The following UBOX5 variants were observed in gnomAD, a reference collection of about 807,000 sequenced individuals.
UBOX5 encodes the protein U-box domain containing 5.
UBOX5 carries 28 observed loss-of-function variants against 39.0 expected under a neutral mutation model. The ratio of observed to expected loss-of-function variants is 0.72; its 90% CI spans 0.53 to 0.98. The LOEUF (loss-of-function observed/expected upper bound fraction) is 0.98, where lower values mean the gene tolerates loss of function less well. Among genes scored for constraint, UBOX5 ranks in the 50% least tolerant of loss-of-function variants. UBOX5 has a pLI of 0.00. For missense variants in UBOX5, 585 were observed against 674.4 expected, an observed-to-expected ratio of 0.87 and a Z score of 1.47; for synonymous variants, 283 against 275.5, an observed-to-expected ratio of 1.03 and a Z score of -0.27.
In UBOX5 at chr20:3,121,579, G is replaced by C; in HGVS notation, c.1060C>G (p.Pro354Ala). ...TGAGAGGGCAGAACAATGGAAGAAG[G>C]GATCACTGCCAATGCCGTCTGTGCT... is the stretch of plus-strand genomic sequence containing the variant. ...GRAQTALAVI[P>A]SSIVLPSQKR... The change falls in exon 3 of 5, where the codon CCT becomes GCT. Residue 354 changes from proline to alanine, a missense_variant. By Grantham distance (27) the Pro-to-Ala change is conservative. Coordinates refer to ENST00000217173, the MANE Select transcript of UBOX5 (RefSeq NM_014948.4). 6.2e-7 allele frequency: 1 copy of C among 1,605,584 alleles called. No individual in the cohort carries two copies. The highest frequency in any genetic ancestry group is 8.5e-7 in the Non-Finnish European group (1 of 1,175,916).
chr20:3,110,337 A>G (rs2066244172), intron 4 of UBOX5, 23 bp from the exon 5 acceptor site: 1 of 1,613,438 alleles, frequency 6.2e-7, no homozygotes, highest in Non-Finnish European at 8.5e-7. Flanking sequence ...GAAGGAAAAC[A>G]GGCCAGGGTT....
At chr20:3,151,254 G>A (rs1475798266) in intron 1 of UBOX5, among the ~76,000 whole-genome samples, 2 of 152,142 alleles carry the variant, frequency 1.3e-5, no homozygotes, top group Non-Finnish European at 2.9e-5. Context: ...CAGATCAAGG[G>A]TGAGCAGACT....
In UBOX5 at chr20:3,121,709, TACCCCCGTGAAAGGGTC is replaced by T. The variant is rs1267110167; in HGVS notation, c.913_929del (p.Asp305SerfsTer19). ...GGGGCTGAGAGTGCGGAGTAAAAGC[TACCCCCGTGAAAGGGTC>T]ACTGGGCACTCGGCCCCATGTGGCT... On this transcript the variant is annotated frameshift_variant, in exon 3 of 5. Transcript: ENST00000217173. LOFTEE classifies it high-confidence loss of function. 2 of 1,613,886 alleles carry T rather than the reference TACCCCCGTGAAAGGGTC, an allele frequency of 1.2e-6. No homozygotes were observed.
intron 4 of UBOX5, among the ~76,000 whole-genome samples, chr20:3,114,229 G>A (rs781398951): frequency 2.6e-5 from 4 of 152,174 alleles, no homozygotes; most frequent in African/African-American, 7.2e-5. Flanking sequence ...ATGGACAGTT[G>A]CCGGAGATGT....
At chr20:3,119,826 C>T (rs1180894621) in intron 3 of UBOX5, among the ~76,000 whole-genome samples, 9 of 151,998 alleles carry the variant, frequency 5.9e-5, no homozygotes, top group Non-Finnish European at 1.3e-4. Context: ...TGCACTCCAG[C>T]CTGGGTAACA....
In UBOX5 at chr20:3,159,850, C is replaced by T. The variant is rs1280272216; in HGVS notation, c.-126G>A. Reference sequence around the variant, plus strand: ...ACACAGATACTGGCTCCTCCGGCGACTCCGAGCCTCACAGCCCCACTTCCG... The same window carrying T: ...ACACAGATACTGGCTCCTCCGGCGATTCCGAGCCTCACAGCCCCACTTCCG... On this transcript the variant is annotated 5_prime_UTR_variant, in exon 1 of 5. Transcript: ENST00000217173. 2 of 152,326 alleles carry T rather than the reference C, an allele frequency of 1.3e-5. No homozygotes were observed. The highest frequency in any genetic ancestry group is 2.9e-5 in the Non-Finnish European group (2 of 68,096). The allele number at this position is 152,326 out of a possible 1,614,324, so 9.4% of individuals were successfully genotyped here.
At chr20:3,143,165 T>C (rs1170560402) in intron 1 of UBOX5, among the ~76,000 whole-genome samples, 1 of 134,396 alleles carries the variant, frequency 7.4e-6, no homozygotes, top group African/African-American at 2.8e-5. Flanking sequence ...TGGAGTACAG[T>C]GGCATGATCT....
At chr20:3,125,272 TG>T (rs2066373328) in intron 1 of UBOX5, among the ~76,000 whole-genome samples, 1 of 144,458 alleles carries the variant, frequency 6.9e-6, no homozygotes, top group African/African-American at 2.6e-5. Flanking sequence ...CTGCCCCGTC[TG>T]GGAGGTGAGG....
chr20:3,127,185 A>C (rs1041320138), intron 1 of UBOX5, among the ~76,000 whole-genome samples: 1 of 151,942 alleles, frequency 6.6e-6, no homozygotes, highest in Non-Finnish European at 1.5e-5. Flanking sequence ...GTGGAACTCA[A>C]CTCCTTGGTG....
rs141186996 is a variant in UBOX5, at chr20:3,132,545, G to A, written c.-41-9139C>T. ...AAGAAATGGCTGGGTGAAACGAGGC[G>A]TGATTGGTCATGCCTGTAATCCCAG... On this transcript the variant is annotated intron_variant, in intron 1 of 4. Coordinates refer to ENST00000217173, the MANE Select transcript of UBOX5 (RefSeq NM_014948.4). Among the ~76,000 whole-genome samples the A allele has an allele frequency of 1.7e-3, 263 of 151,540 alleles. 1 individual carries two copies. The highest frequency in any genetic ancestry group is 6.1e-3 in the African/African-American group (250 of 41,308).
Position 3,109,626 on chromosome 20 carries a change from G to A in UBOX5, c.*480C>T, listed in dbSNP as rs1219159825. On this transcript the variant is annotated 3_prime_UTR_variant, in exon 5 of 5. Transcript: ENST00000217173. ...AAACCCACAGCAGACGTCAACCATC[G>A]CTTTATTAAGGCTGCGAGTCGGGGG... 4 of 180,318 alleles carry A rather than the reference G, an allele frequency of 2.2e-5. No individual in the cohort carries two copies. Among genetic ancestry groups the A allele is most frequent in the Non-Finnish European group, 4.8e-5 (4 of 83,364 alleles). 11.2% of individuals were successfully genotyped at this position (180,318 alleles called of 1,614,324 possible). A position where few individuals can be genotyped will look rare whatever the true frequency, so the allele number is the denominator to read the frequency against.
intron 3 of UBOX5, among the ~76,000 whole-genome samples, chr20:3,119,394 T>C (rs969890581): frequency 3.9e-5 from 6 of 152,224 alleles, no homozygotes; most frequent in African/African-American, 7.2e-5. Flanking sequence ...ACCAGTTTGA[T>C]GGCAGACTTG....
intron 4 of UBOX5, among the ~76,000 whole-genome samples, chr20:3,114,439 A>G (rs1296375129): frequency 6.6e-6 from 1 of 152,152 alleles, no homozygotes; most frequent in Non-Finnish European, 1.5e-5. Flanking sequence ...CGTTGCAATC[A>G]GTTTCTGTTG....
chr20:3,142,073 C>T (rs1311710651), intron 1 of UBOX5, among the ~76,000 whole-genome samples: 1 of 149,012 alleles, frequency 6.7e-6, no homozygotes, highest in South Asian at 2.1e-4. Flanking sequence ...CAAAAGGGAT[C>T]ACCTGAGTCC....
At position 3,111,187 on chromosome 20, in the gene UBOX5, A is replaced by G. The variant is rs2066251482; in HGVS notation, c.1418-873T>C. On this transcript the variant is annotated intron_variant, in intron 4 of 4. Coordinates refer to ENST00000217173, the MANE Select transcript of UBOX5 (RefSeq NM_014948.4). ...CTTCCTTTCCTCATGGCCCCTCTGG[A>G]GAGTGACAGGGGATGGGCTTGCCTG... Among the ~76,000 whole-genome samples the G allele has an allele frequency of 2.0e-5, 3 of 152,160 alleles. No individual in the cohort carries two copies. The South Asian group carries it at 6.2e-4, about 32-fold the overall frequency.
chr20:3,109,560 C>A lies in UBOX5; in HGVS notation c.*546G>T, dbSNP rs967453051. The A allele has an allele frequency of 6.0e-6, 1 of 167,176 alleles. No homozygotes were observed. The allele number at this position is 167,176 out of a possible 1,614,324, so 10.4% of individuals were successfully genotyped here. A position where few individuals can be genotyped will look rare whatever the true frequency, so the allele number is the denominator to read the frequency against. On this transcript the variant is annotated 3_prime_UTR_variant, in exon 5 of 5. Coordinates refer to ENST00000217173, the MANE Select transcript of UBOX5 (RefSeq NM_014948.4). ...CTCCACTTGTGTGGGTGCAGGTGGGCGACAGGAGTGTGTGACACAGACAGG... is the reference window on the plus strand; with the variant it reads ...CTCCACTTGTGTGGGTGCAGGTGGGAGACAGGAGTGTGTGACACAGACAGG...
intron 1 of UBOX5, chr20:3,147,320 T>C: frequency 6.2e-7 from 1 of 1,614,210 alleles, no homozygotes; most frequent in Non-Finnish European, 8.5e-7. Flanking sequence ...AGATCGGGTA[T>C]GAGGCAAAAT....
chr20:3,147,069 A>C (rs2066571788), intron 1 of UBOX5: 1 of 1,614,200 alleles, frequency 6.2e-7, no homozygotes, highest in East Asian at 2.2e-5. Flanking sequence ...TTGCAAAGGA[A>C]GCCCCCCAGA....
At chr20:3,142,122 G>A (rs1350877894) in intron 1 of UBOX5, among the ~76,000 whole-genome samples, 1 of 147,972 alleles carries the variant, frequency 6.8e-6, no homozygotes, top group Middle Eastern at 3.2e-3. Context: ...TAGTGCCACT[G>A]CACTCCCAGT....
Sources: gnomAD v4.1 joint callset for allele counts (sites outside exome capture counted in the v4.1 genomes callset) on GRCh38, gnomAD v4.1.1 for gene constraint, MANE v1.5 for transcripts, NCBI Gene and HGNC (gene_info 2026-07-23, HGNC 2026-07-21) for gene names.